The following GRIN2A variants were observed in gnomAD, a reference collection of about 807,000 sequenced individuals.
GRIN2A encodes glutamate receptor ionotropic, NMDA 2A.
In GRIN2A, 22 loss-of-function variants were observed where a neutral mutation model predicts 113.4. The observed-to-expected ratio is 0.19, with a 90% confidence interval of 0.14 to 0.28. The LOEUF (loss-of-function observed/expected upper bound fraction) is 0.28. Among genes scored for constraint, GRIN2A ranks in the 10% least tolerant of loss-of-function variants. The pLI is 1.00. For synonymous variants in GRIN2A, 827 were observed against 738.4 expected (o/e 1.12, Z -1.94); for missense variants, 1,502 against 1,887.0 (o/e 0.80, Z 3.78).
At chr16:10,042,567 G>A (rs1043405778) in intron 2 of GRIN2A, among the ~76,000 whole-genome samples, 4 of 152,078 alleles carry the variant, frequency 2.6e-5, no homozygotes, top group East Asian at 1.9e-4. Flanking sequence ...AGTTGCTCCC[G>A]AATATGATCC....
intron 11 of GRIN2A, among the ~76,000 whole-genome samples, chr16:9,773,298 A>AG (rs1901396187): frequency 6.6e-6 from 1 of 152,254 alleles, no homozygotes; most frequent in Admixed American, 6.5e-5. Flanking sequence ...TACAAAGCAA[A>AG]GGGGAACTTG....
intron 2 of GRIN2A, among the ~76,000 whole-genome samples, chr16:9,953,246 A>G (rs937941323): frequency 1.3e-5 from 2 of 152,068 alleles, no homozygotes; most frequent in African/African-American, 4.8e-5. Flanking sequence ...TGGCAGGGAG[A>G]TTGGGGAGTG....
intron 4 of GRIN2A, among the ~76,000 whole-genome samples, chr16:9,862,415 A>G (rs2043085937): frequency 6.6e-6 from 1 of 152,196 alleles, no homozygotes; most frequent in East Asian, 1.9e-4. Flanking sequence ...CTGATCTGGT[A>G]ATTCATAGAA....
Position 9,763,861 on chromosome 16 carries a change from A to G in GRIN2A, c.3683T>C (p.Phe1228Ser), listed in dbSNP as rs1265808274. ...LSNMPTYSGH[F>S]TMRSPFKCDA... ...GCACTTGAAGGGGGACCTCATGGTG[A>G]AGTGGCCTGAATAGGTGGGCATGTT... The change falls in exon 13 of 13, where the codon TTC (phenylalanine) becomes TCC (serine). Residue 1228 changes from phenylalanine to serine, a missense_variant. Around this residue, in one of 7 missense-constraint regions of GRIN2A, gnomAD observed 832 missense variants for 789.7 expected, o/e 1.05. Coordinates refer to ENST00000330684, the MANE Select transcript of GRIN2A (RefSeq NM_001134407.3). 4 of 1,613,954 alleles carry G rather than the reference A, an allele frequency of 2.5e-6. No homozygotes were observed. The African/African-American group carries it at 5.3e-5, about 22-fold the overall frequency.
Position 9,891,092 on chromosome 16 carries a change from A to G in GRIN2A, c.1016T>C (p.Val339Ala). 2 of 1,603,220 alleles carry G rather than the reference A, an allele frequency of 1.2e-6. No homozygotes were observed. The highest frequency in any genetic ancestry group is 1.7e-6 in the Non-Finnish European group (2 of 1,170,032). ...GTCTTTGCCATCCCATGTAACATTG[A>G]CCATAAATCTAGAAAGGGGAAGAGA... Reference protein sequence around the residue: ...VPMHTLHPFMVNVTWDGKDLS... With the variant: ...VPMHTLHPFMANVTWDGKDLS... Residue 339 changes from valine to alanine, a missense_variant, in exon 4 of 13, where the codon GTC becomes GCC. Transcript: ENST00000330684.
intron 2 of GRIN2A, among the ~76,000 whole-genome samples, chr16:10,161,474 G>A (rs980804291): frequency 3.9e-5 from 6 of 152,026 alleles, no homozygotes; most frequent in East Asian, 1.9e-4. Flanking sequence ...AAATTATTTC[G>A]CCTTAGTACC....
chr16:9,953,642 G>C (rs2045234680), intron 2 of GRIN2A, among the ~76,000 whole-genome samples: 1 of 152,098 alleles, frequency 6.6e-6, no homozygotes, highest in Non-Finnish European at 1.5e-5. Context: ...AAGAAGGAGA[G>C]TGTGTGTGGA....
chr16:9,957,453 C>T (rs374055735), intron 2 of GRIN2A, among the ~76,000 whole-genome samples: 1 of 152,160 alleles, frequency 6.6e-6, no homozygotes, highest in Non-Finnish European at 1.5e-5. Context: ...ACTGTGGTAC[C>T]TTTAATAAAC....
At chr16:9,884,814 A>C (rs1031225318) in intron 4 of GRIN2A, among the ~76,000 whole-genome samples, 2 of 143,776 alleles carry the variant, frequency 1.4e-5, no homozygotes, top group Non-Finnish European at 1.5e-5. Context: ...CAGTGGTGTG[A>C]TCTGGGTTCA....
chr16:10,045,895 G>C (rs1481402322), intron 2 of GRIN2A, among the ~76,000 whole-genome samples: 2 of 152,176 alleles, frequency 1.3e-5, no homozygotes, highest in African/African-American at 2.4e-5. Flanking sequence ...CTACTGACCA[G>C]ATCGTGTTTC....
intron 2 of GRIN2A, among the ~76,000 whole-genome samples, chr16:9,950,620 C>T (rs914836222): frequency 6.6e-6 from 1 of 152,200 alleles, no homozygotes; most frequent in African/African-American, 2.4e-5. Context: ...AGATAGCAAA[C>T]AGGACAGCTA....
chr16:10,013,499 C>T (rs2046547789), intron 2 of GRIN2A, among the ~76,000 whole-genome samples: 1 of 152,244 alleles, frequency 6.6e-6, no homozygotes, highest in South Asian at 2.1e-4. Flanking sequence ...CCCTGCGGGA[C>T]AGTAACTAGT....
intron 10 of GRIN2A, among the ~76,000 whole-genome samples, chr16:9,817,673 G>A (rs1307628717): frequency 2.6e-5 from 4 of 152,202 alleles, no homozygotes; most frequent in African/African-American, 7.2e-5. Context: ...GCTAATGCTC[G>A]AGTCCAGACT....
At chr16:10,020,533 G>A (rs1323963260) in intron 2 of GRIN2A, among the ~76,000 whole-genome samples, 1 of 152,182 alleles carries the variant, frequency 6.6e-6, no homozygotes, top group African/African-American at 2.4e-5. Context: ...CTGCAGCTGT[G>A]TGTGCAATAA....
chr16:9,829,308 G>A, intron 9 of GRIN2A, 115 bp downstream of exon 9: 1 of 699,720 alleles, frequency 1.4e-6, no homozygotes, highest in Non-Finnish European at 2.6e-6. Context: ...AAACCTTCTG[G>A]CTTTTGTGCA....
At chr16:10,177,930 C>T (rs1484096290) in intron 2 of GRIN2A, among the ~76,000 whole-genome samples, 2 of 152,172 alleles carry the variant, frequency 1.3e-5, no homozygotes, top group East Asian at 1.9e-4. Flanking sequence ...ACACACCTAT[C>T]GACTGAGACT....
intron 2 of GRIN2A, among the ~76,000 whole-genome samples, chr16:10,038,980 C>T (rs1310548576): frequency 6.6e-6 from 1 of 152,112 alleles, no homozygotes; most frequent in East Asian, 1.9e-4. Context: ...TCCAGGAAGC[C>T]CCCTGGCCCC....
chr16:9,870,628 CTTTTTTTTTTT>C (rs951273100), intron 4 of GRIN2A, among the ~76,000 whole-genome samples: 10 of 138,196 alleles, frequency 7.2e-5, no homozygotes, highest in Non-Finnish European at 1.6e-5. Context: ...AACTTTTTTT[CTTTTTTTTTTT>C]TTTTTCTTTT....
chr16:10,125,704 G>A (rs183976449), intron 2 of GRIN2A, among the ~76,000 whole-genome samples: 1 of 151,996 alleles, frequency 6.6e-6, no homozygotes, highest in Admixed American at 6.5e-5. Flanking sequence ...GCCTACAGGA[G>A]GCTGGATGGC....
Sources: gnomAD v4.1 joint callset for allele counts (sites outside exome capture counted in the v4.1 genomes callset) on GRCh38, gnomAD v4.1.1 for gene constraint, gnomAD v4.1.1 regional missense constraint, MANE v1.5 for transcripts, NCBI Gene and HGNC (gene_info 2026-07-23, HGNC 2026-07-21) for gene names.